The following RALY variants were observed in gnomAD, a reference collection of about 807,000 sequenced individuals.
RALY encodes the protein RNA-binding protein Raly.
A neutral mutation model predicts 30.7 loss-of-function variants in RALY; 15 were observed. The ratio of observed to expected loss-of-function variants is 0.49; its 90% CI spans 0.33 to 0.75. The LOEUF is 0.75. RALY is among the 30% of genes least tolerant of loss of function. The pLI is 0.02. For synonymous variants in RALY, 177 were observed against 170.8 expected (o/e 1.04, Z -0.28); for missense variants, 339 against 414.3 (o/e 0.82, Z 1.58).
In RALY at chr20:34,075,986, G is replaced by C. The variant is rs761398689; in HGVS notation, c.490G>C (p.Val164Leu). The change falls in exon 6 of 10, where the codon GTC (valine) becomes CTC (leucine). Residue 164 changes from valine to leucine, a missense_variant. Coordinates refer to ENST00000246194, the MANE Select transcript of RALY (RefSeq NM_016732.3). ...LVRRVKTNVP[V>L]KLFARSTAVT... ...CCGGCGTGTCAAAACTAACGTACCT[G>C]TCAAGCTCTTTGCCCGCTCCACAGC... The C allele has an allele frequency of 6.2e-7, 1 of 1,614,220 alleles. No homozygotes were observed. The highest frequency in any genetic ancestry group is 8.5e-7 in the Non-Finnish European group (1 of 1,180,026).
At position 34,077,108 on chromosome 20, in the gene RALY, G is replaced by C; in HGVS notation, c.739G>C (p.Gly247Arg). Residue 247 changes from glycine to arginine, a missense_variant, in exon 8 of 10, where the codon GGC (glycine) becomes CGC (arginine). Gly to Arg is a moderately radical substitution (Grantham distance 125). Coordinates refer to ENST00000246194, the MANE Select transcript of RALY (RefSeq NM_016732.3). The stretch of plus-strand genomic sequence containing the variant: ...CAGCGGTGGCGGTGGCAGTGGTGGT[G>C]GCGGTGGCGGTGGCAGCAGCCGGCC... ...GGSGGGGSGG[G>R]GGGGSSRPPA... 1 of 1,599,086 alleles carries C rather than the reference G, an allele frequency of 6.3e-7. No homozygotes were observed. Among genetic ancestry groups the C allele is most frequent in the Non-Finnish European group, 8.5e-7 (1 of 1,171,274 alleles).
chr20:34,041,512 C>G (rs1295767652), intron 2 of RALY, among the ~76,000 whole-genome samples: 12 of 152,200 alleles, frequency 7.9e-5, no homozygotes, highest in Non-Finnish European at 1.6e-4. Flanking sequence ...GTTGGGCGTA[C>G]CCAGTCTCCA....
At chr20:34,050,535 C>A (rs1486069100) in intron 2 of RALY, among the ~76,000 whole-genome samples, 1 of 152,208 alleles carries the variant, frequency 6.6e-6, no homozygotes, top group East Asian at 1.9e-4. Flanking sequence ...GATGTGATAT[C>A]AGGCAGGGTT....
chr20:34,044,486 AATT>A (rs2032810342), intron 2 of RALY, among the ~76,000 whole-genome samples: 1 of 151,950 alleles, frequency 6.6e-6, no homozygotes, highest in African/African-American at 2.4e-5. Context: ...ACACCCGGCT[AATT>A]TCGTATTTTT....
chr20:34,008,026 TC>T (rs1006446484), intron 1 of RALY, among the ~76,000 whole-genome samples: 1 of 152,120 alleles, frequency 6.6e-6, no homozygotes, highest in African/African-American at 2.4e-5. Flanking sequence ...ATCCTTAATC[TC>T]CCTTAAGAGT....
intron 1 of RALY, among the ~76,000 whole-genome samples, chr20:34,028,476 G>A (rs886939317): frequency 6.6e-6 from 1 of 151,532 alleles, no homozygotes; most frequent in Non-Finnish European, 1.5e-5. Context: ...AGGCCGAGGC[G>A]GGCGGATCAT....
chr20:34,029,585 G>A (rs1464822045), intron 1 of RALY, among the ~76,000 whole-genome samples: 1 of 152,088 alleles, frequency 6.6e-6, no homozygotes, highest in East Asian at 1.9e-4. Context: ...GTGGGAATGG[G>A]GAAGAGAGAG....
chr20:34,028,967 T>C (rs2032158623), intron 1 of RALY, among the ~76,000 whole-genome samples: 1 of 152,066 alleles, frequency 6.6e-6, no homozygotes. Flanking sequence ...CCATGACTTT[T>C]TTTGAGCAGG....
chr20:34,074,207 C>T (rs151135972), intron 5 of RALY, among the ~76,000 whole-genome samples: 116 of 152,300 alleles, frequency 7.6e-4, no homozygotes, highest in Non-Finnish European at 1.2e-3. Flanking sequence ...GGAGTTTGAG[C>T]CCTTCCCTCT....
At chr20:34,077,576 G>GC in intron 8 of RALY, 1 of 430,814 alleles carries the variant, frequency 2.3e-6, no homozygotes. Flanking sequence ...CAGGGCTGGG[G>GC]TGGCTTGTGG....
intron 2 of RALY, among the ~76,000 whole-genome samples, chr20:34,041,900 GTT>G (rs1453466125): frequency 1.3e-5 from 2 of 152,124 alleles, no homozygotes; most frequent in Admixed American, 1.3e-4. Context: ...GAGGTGAGGA[GTT>G]TGAGACCAGC....
chr20:34,007,882 T>G (rs1460217417), intron 1 of RALY, among the ~76,000 whole-genome samples: 1 of 149,956 alleles, frequency 6.7e-6, no homozygotes, highest in Non-Finnish European at 1.5e-5. Flanking sequence ...TTTGAGTGCC[T>G]ACCATGTTAT....
chr20:34,008,397 T>C (rs2057287281), intron 1 of RALY, among the ~76,000 whole-genome samples: 1 of 152,204 alleles, frequency 6.6e-6, no homozygotes. Flanking sequence ...GGCATCTGAC[T>C]GTAATGGGGG....
intron 2 of RALY, among the ~76,000 whole-genome samples, chr20:34,056,426 G>T (rs887930111): frequency 6.6e-6 from 1 of 152,172 alleles, no homozygotes; most frequent in African/African-American, 2.4e-5. Flanking sequence ...ACCTCATCAA[G>T]ATGAAACATA....
At chr20:34,042,398 C>T (rs1415713600) in intron 2 of RALY, among the ~76,000 whole-genome samples, 2 of 152,174 alleles carry the variant, frequency 1.3e-5, no homozygotes, top group African/African-American at 4.8e-5. Context: ...GGTGCCCTGA[C>T]TCTCTGCCTG....
intron 2 of RALY, among the ~76,000 whole-genome samples, chr20:34,044,438 A>G (rs887219962): frequency 4.6e-5 from 7 of 151,722 alleles, no homozygotes; most frequent in African/African-American, 1.7e-4. Flanking sequence ...CTTCTGCCTC[A>G]GCCTCCCTAG....
intron 2 of RALY, among the ~76,000 whole-genome samples, chr20:34,057,666 C>CA (rs548450019): frequency 0.037 from 2,468 of 66,320 alleles, 60 homozygotes; most frequent in African/African-American, 0.062. Flanking sequence ...GACTCCGTCT[C>CA]AAAAAAAAAA....
At chr20:34,076,145 C>T in intron 6 of RALY, 105 bp downstream of exon 6, 3 of 1,334,546 alleles carry the variant, frequency 2.2e-6, no homozygotes, top group Non-Finnish European at 3.1e-6. Flanking sequence ...ACAAGTCTTC[C>T]ACAGTTCTGC....
chr20:33,997,372 T>C, intron 1 of RALY, among the ~76,000 whole-genome samples: 1 of 152,188 alleles, frequency 6.6e-6, no homozygotes, highest in East Asian at 1.9e-4. Context: ...TGTCTTGGCC[T>C]TCCAAAGTGC....
Sources: gnomAD v4.1 joint callset for allele counts (sites outside exome capture counted in the v4.1 genomes callset) on GRCh38, gnomAD v4.1.1 for gene constraint, MANE v1.5 for transcripts, NCBI Gene and HGNC (gene_info 2026-07-23, HGNC 2026-07-21) for gene names.